Variants in HDAC9 observed in about 807,000 individuals in gnomAD.
HDAC9 encodes the protein MEF-2 interacting transcription repressor (MITR) protein.
A neutral mutation model predicts 139.4 loss-of-function variants in HDAC9; 41 were observed. The ratio of observed to expected loss-of-function variants is 0.29; its 90% CI spans 0.23 to 0.38. The LOEUF (loss-of-function observed/expected upper bound fraction) is 0.38. Ranked by LOEUF, HDAC9 falls within the 10% of genes least tolerant of loss-of-function variation. HDAC9 has a pLI of 1.00. For synonymous variants in HDAC9, 517 were observed against 476.2 expected (o/e 1.09, Z -1.12); for missense variants, 1,147 against 1,297.0 (o/e 0.88, Z 1.78).
intron 6 of HDAC9, among the ~76,000 whole-genome samples, chr7:18,601,700 A>G (rs1048705562): frequency 6.6e-6 from 1 of 152,136 alleles, no homozygotes; most frequent in Non-Finnish European, 1.5e-5. Context: ...GGTTTTGTCA[A>G]GTCTCTTTTC....
At chr7:18,633,288 G>A (rs377606275) in intron 7 of HDAC9, among the ~76,000 whole-genome samples, 26 of 152,186 alleles carry the variant, frequency 1.7e-4, no homozygotes, top group African/African-American at 6.3e-4. Context: ...CTTCAAGTGT[G>A]GTGGCATTTG....
chr7:18,479,893 A>G (rs1795409855), intron 1 of HDAC9, among the ~76,000 whole-genome samples: 1 of 151,844 alleles, frequency 6.6e-6, no homozygotes, highest in South Asian at 2.1e-4. Flanking sequence ...GCCAACACTC[A>G]GTTATCCTAG....
chr7:18,624,215 C>T (rs1021734239), intron 6 of HDAC9, among the ~76,000 whole-genome samples: 4 of 152,074 alleles, frequency 2.6e-5, no homozygotes, highest in African/African-American at 9.7e-5. Flanking sequence ...TCATACCTGC[C>T]ACCCTAAGTT....
At chr7:18,969,517 T>C (rs1784110503) in intron 24 of HDAC9, among the ~76,000 whole-genome samples, 1 of 152,108 alleles carries the variant, frequency 6.6e-6, no homozygotes, top group Non-Finnish European at 1.5e-5. Context: ...AAATGAAAAT[T>C]ACTAGGCATG....
chr7:18,557,606 T>C (rs1183232660), intron 2 of HDAC9, among the ~76,000 whole-genome samples: 1 of 150,354 alleles, frequency 6.7e-6, no homozygotes, highest in Non-Finnish European at 1.5e-5. Flanking sequence ...AAAGGGAATT[T>C]TTGACCTTTT....
chr7:18,183,379 T>A (rs1789657231), intron 2 of HDAC9, among the ~76,000 whole-genome samples: 1 of 152,184 alleles, frequency 6.6e-6, no homozygotes. Context: ...CAATCGTGAA[T>A]TTTTCTACCT....
At chr7:18,389,071 C>G (rs987273249) in intron 1 of HDAC9, among the ~76,000 whole-genome samples, 1 of 152,154 alleles carries the variant, frequency 6.6e-6, no homozygotes, top group African/African-American at 2.4e-5. Context: ...GATTGCCTTT[C>G]GAATAGCTGT....
At chr7:18,151,328 A>G (rs1268061236) in intron 1 of HDAC9, among the ~76,000 whole-genome samples, 1 of 152,170 alleles carries the variant, frequency 6.6e-6, no homozygotes, top group Non-Finnish European at 1.5e-5. Context: ...AGGTTTTATC[A>G]TTTGAAACTT....
intron 1 of HDAC9, among the ~76,000 whole-genome samples, chr7:18,156,650 T>C (rs1787227697): frequency 6.6e-6 from 1 of 152,178 alleles, no homozygotes; most frequent in African/African-American, 2.4e-5. Context: ...GTCCCTGAAC[T>C]GAAGAACATA....
chr7:18,349,292 A>G (rs936340605), intron 1 of HDAC9, among the ~76,000 whole-genome samples: 6 of 144,630 alleles, frequency 4.1e-5, no homozygotes, highest in African/African-American at 1.6e-4. Flanking sequence ...ATGACCTCCC[A>G]TACTTGAGAA....
intron 1 of HDAC9, among the ~76,000 whole-genome samples, chr7:18,484,231 G>T: frequency 6.6e-6 from 1 of 150,388 alleles, no homozygotes; most frequent in Non-Finnish European, 1.5e-5. Context: ...TGTAGTCCCA[G>T]CGCTTGAGGG....
At chr7:18,733,035 ACAGATATACATATATACATG>A (rs1362998775) in intron 13 of HDAC9, among the ~76,000 whole-genome samples, 1 of 146,200 alleles carries the variant, frequency 6.8e-6, no homozygotes, top group Non-Finnish European at 1.5e-5. Flanking sequence ...ATGTATATAT[ACAGATATACATATATACATG>A]TGTATATACG....
chr7:18,529,328 G>C (rs937535845), intron 2 of HDAC9, among the ~76,000 whole-genome samples: 1 of 152,096 alleles, frequency 6.6e-6, no homozygotes, highest in African/African-American at 2.4e-5. Context: ...TAAATAAAAA[G>C]ATGGGCATAA....
chr7:18,831,344 A>C (rs1293237925), intron 19 of HDAC9, among the ~76,000 whole-genome samples: 2 of 152,156 alleles, frequency 1.3e-5, no homozygotes, highest in Non-Finnish European at 2.9e-5. Flanking sequence ...GTATATGTAA[A>C]GTTTTGTTTT....
chr7:18,567,272 A>G (rs1167579979), intron 2 of HDAC9, among the ~76,000 whole-genome samples: 1 of 152,054 alleles, frequency 6.6e-6, no homozygotes, highest in African/African-American at 2.4e-5. Context: ...TTCTATGGCT[A>G]TACTTCTCCC....
chr7:18,682,506 T>G (rs1004881806), intron 12 of HDAC9, among the ~76,000 whole-genome samples: 3 of 152,030 alleles, frequency 2.0e-5, no homozygotes, highest in Non-Finnish European at 4.4e-5. Flanking sequence ...CCAAGAAAAT[T>G]TGTTTTGCTG....
At chr7:18,366,255 A>G (rs969114071) in intron 1 of HDAC9, among the ~76,000 whole-genome samples, 2 of 152,138 alleles carry the variant, frequency 1.3e-5, no homozygotes. Context: ...ATCTATTACA[A>G]AGTGACTCAT....
At chr7:18,742,955 T>C (rs2129142761) in intron 13 of HDAC9, among the ~76,000 whole-genome samples, 1 of 152,360 alleles carries the variant, frequency 6.6e-6, no homozygotes, top group South Asian at 2.1e-4. Context: ...CTTTTGACTT[T>C]TGAAGAGAAC....
intron 1 of HDAC9, among the ~76,000 whole-genome samples, chr7:18,342,329 C>T (rs554213535): frequency 2.0e-5 from 3 of 151,928 alleles, no homozygotes; most frequent in South Asian, 2.1e-4. Context: ...GAAAATCTTT[C>T]AAGGCATTAA....
Sources: allele counts gnomAD v4.1 joint callset (sites outside exome capture counted in the v4.1 genomes callset), GRCh38; gene constraint gnomAD v4.1.1; transcripts MANE v1.5; gene names NCBI Gene and HGNC (gene_info 2026-07-23, HGNC 2026-07-21).